Variants in LPP observed in about 807,000 individuals in gnomAD.
The protein encoded by LPP is lipoma-preferred partner.
In LPP, 38 loss-of-function variants were observed where a neutral mutation model predicts 60.4. That is an observed-to-expected ratio of 0.63 (90% confidence interval 0.49 to 0.83). LPP has a LOEUF of 0.83. Among genes scored for constraint, LPP ranks in the 40% least tolerant of loss-of-function variants. The pLI is 0.00. For missense variants in LPP, 902 were observed against 783.6 expected (o/e 1.15, Z -1.80); for synonymous variants, 328 against 290.8 (o/e 1.13, Z -1.30).
chr3:188,714,671 C>T (rs1713060053), intron 8 of LPP, among the ~76,000 whole-genome samples: 1 of 152,044 alleles, frequency 6.6e-6, no homozygotes, highest in Admixed American at 6.6e-5. Flanking sequence ...TAACTTGTGA[C>T]TGTCGCATTA....
intron 7 of LPP, among the ~76,000 whole-genome samples, chr3:188,646,285 A>C (rs1332335175): frequency 6.6e-6 from 1 of 152,158 alleles, no homozygotes; most frequent in Non-Finnish European, 1.5e-5. Context: ...CCAGAACCTC[A>C]GCTGGTCACC....
At chr3:188,731,548 A>C (rs1287981978) in intron 8 of LPP, among the ~76,000 whole-genome samples, 1 of 27,652 alleles carries the variant, frequency 3.6e-5, no homozygotes, top group African/African-American at 1.3e-4. Flanking sequence ...TTTGAGATGG[A>C]GTCTCACTGT....
At chr3:188,487,154 C>A (rs544299288) in intron 5 of LPP, among the ~76,000 whole-genome samples, 2 of 152,094 alleles carry the variant, frequency 1.3e-5, no homozygotes, top group African/African-American at 2.4e-5. Flanking sequence ...TGTGATCTTG[C>A]GCAATGCATG....
chr3:188,268,197 A>G (rs905433225), intron 2 of LPP, among the ~76,000 whole-genome samples: 1 of 152,052 alleles, frequency 6.6e-6, no homozygotes, highest in African/African-American at 2.4e-5. Context: ...TTGCAAGGCA[A>G]TTTCTAAAGA....
At chr3:188,374,967 T>C (rs1240138691) in intron 3 of LPP, among the ~76,000 whole-genome samples, 1 of 152,196 alleles carries the variant, frequency 6.6e-6, no homozygotes, top group Non-Finnish European at 1.5e-5. Flanking sequence ...GAGATAATCA[T>C]GTGGTTTTTG....
chr3:188,770,163 T>C (rs1338946473), intron 9 of LPP, among the ~76,000 whole-genome samples: 1 of 142,572 alleles, frequency 7.0e-6, no homozygotes, highest in Non-Finnish European at 1.5e-5. Context: ...TTCATAGTTA[T>C]AATTCTTTTT....
At chr3:188,527,060 G>A (rs1363325136) in intron 6 of LPP, among the ~76,000 whole-genome samples, 1 of 152,186 alleles carries the variant, frequency 6.6e-6, no homozygotes, top group African/African-American at 2.4e-5. Flanking sequence ...AGGGCTGCAA[G>A]CAAGCACCAA....
intron 4 of LPP, among the ~76,000 whole-genome samples, chr3:188,427,670 C>T (rs975649775): frequency 2.6e-5 from 4 of 152,130 alleles, no homozygotes; most frequent in African/African-American, 9.7e-5. Flanking sequence ...CTGTGGTGGG[C>T]TTTGTCCTGT....
At chr3:188,191,351 C>T (rs1345061131) in intron 1 of LPP, among the ~76,000 whole-genome samples, 1 of 152,212 alleles carries the variant, frequency 6.6e-6, no homozygotes, top group Non-Finnish European at 1.5e-5. Flanking sequence ...GCTTTGTGTG[C>T]TTGGAGGAAA....
rs1412790582 is a variant in LPP at position 188,182,723 on chromosome 3, T to TATAA, written c.-190+28472_-190+28473insTAAA. 1.1e-4 allele frequency among the ~76,000 whole-genome samples: 9 copies of TATAA among 81,270 alleles called. No individual in the cohort carries two copies. The highest frequency in any genetic ancestry group is 2.8e-4 in the Non-Finnish European group (9 of 32,112). The allele number at this position is 81,270 out of a possible 152,430, so 53.3% of individuals were successfully genotyped here. On this transcript the variant is annotated intron_variant, in intron 1 of 11. Transcript: ENST00000617246. The surrounding 1 kb of genome is among the most constrained non-coding windows in gnomAD (Gnocchi z 4.4). ...AGCTAAAGAATTGAATATATATATATAACATATGCACATAATATATATACA... is the reference window on the plus strand; with the variant it reads ...AGCTAAAGAATTGAATATATATATATATAAAACATATGCACATAATATATATACA...
rs1193535786 is a variant in LPP, at chr3:188,887,317, TTCTC to T, written c.*12844_*12847del. On this transcript the variant is annotated 3_prime_UTR_variant, in exon 12 of 12. Coordinates refer to ENST00000617246, the MANE Select transcript of LPP (RefSeq NM_001375462.1). Reference sequence around the variant, plus strand: ...TAAAAGGGAAAAAGTCAGTTCCTTCTTCTCTCTCTTTCTCTTTGGGTGACAGCAA... The same window carrying T: ...TAAAAGGGAAAAAGTCAGTTCCTTCTTCTCTTTCTCTTTGGGTGACAGCAA... 1.8e-5 allele frequency: 4 copies of T among 216,686 alleles called. No individual in the cohort carries two copies. In the East Asian group the frequency reaches 2.7e-4, roughly 15 times the overall value. The allele number at this position is 216,686 out of a possible 1,614,324, so 13.4% of individuals were successfully genotyped here. A position where few individuals can be genotyped will look rare whatever the true frequency, so the allele number is the denominator to read the frequency against.
chr3:188,869,728 C>T (rs1356824309), intron 10 of LPP, among the ~76,000 whole-genome samples: 3 of 152,202 alleles, frequency 2.0e-5, no homozygotes, highest in Non-Finnish European at 4.4e-5. Flanking sequence ...CTCCCAGGTG[C>T]CCATGGCCTG....
At chr3:188,828,640 A>AAAAC (rs1756306374) in intron 9 of LPP, among the ~76,000 whole-genome samples, 4 of 146,976 alleles carry the variant, frequency 2.7e-5, no homozygotes, top group African/African-American at 7.5e-5. Context: ...AAAAAAAAAA[A>AAAAC]CTCAGCTGCA....
chr3:188,224,485 A>G (rs760636925), intron 1 of LPP, among the ~76,000 whole-genome samples: 1 of 152,220 alleles, frequency 6.6e-6, no homozygotes, highest in Non-Finnish European at 1.5e-5. Flanking sequence ...TGCTAATGAA[A>G]TAAAACCTGT....
chr3:188,357,154 C>T (rs939806692), intron 3 of LPP, among the ~76,000 whole-genome samples: 5 of 151,990 alleles, frequency 3.3e-5, no homozygotes, highest in African/African-American at 9.7e-5. Flanking sequence ...ATAAGAAGAA[C>T]AAAAATGATT....
At chr3:188,718,278 A>G (rs901324194) in intron 8 of LPP, among the ~76,000 whole-genome samples, 4 of 152,138 alleles carry the variant, frequency 2.6e-5, no homozygotes, top group African/African-American at 9.7e-5. Flanking sequence ...TTTGAATTCT[A>G]TGGTCAAAAT....
intron 6 of LPP, among the ~76,000 whole-genome samples, chr3:188,556,400 G>C (rs1829467649): frequency 6.6e-6 from 1 of 151,896 alleles, no homozygotes; most frequent in Non-Finnish European, 1.5e-5. Flanking sequence ...TAGGTTTATT[G>C]GGAAGATTGC....
At position 188,838,600 on chromosome 3, in the gene LPP, A is replaced by G. The variant is rs1339058446; in HGVS notation, c.1411-27600A>G. Among the ~76,000 whole-genome samples, 3 of 152,212 alleles carry G rather than the reference A, an allele frequency of 2.0e-5. No homozygotes were observed. The South Asian group carries it at 6.2e-4, about 32-fold the overall frequency. On this transcript the variant is annotated intron_variant, in intron 9 of 11. Transcript: ENST00000617246. ...TTGAAAAGTTGAAGCGTAATTTCTT[A>G]TAAGACTTTAGAAGTTGAAGTCAGG... is the stretch of plus-strand genomic sequence containing the variant.
chr3:188,810,452 C>T (rs1370901809), intron 9 of LPP, among the ~76,000 whole-genome samples: 2 of 150,714 alleles, frequency 1.3e-5, no homozygotes, highest in African/African-American at 4.8e-5. Context: ...ACTATTGTCT[C>T]TCTACAAAGA....
Sources: gnomAD v4.1 joint callset for allele counts (sites outside exome capture counted in the v4.1 genomes callset) on GRCh38, gnomAD v4.1.1 for gene constraint, Gnocchi (gnomAD v3.1) non-coding constraint, MANE v1.5 for transcripts, NCBI Gene and HGNC (gene_info 2026-07-23, HGNC 2026-07-21) for gene names.